KCNU1: variants seen among roughly 807,000 people sequenced by gnomAD.
KCNU1 encodes the protein potassium calcium-activated channel subfamily U member 1, also known as potassium channel subfamily U member 1.
KCNU1 carries 93 observed loss-of-function variants against 126.8 expected under a neutral mutation model. The ratio of observed to expected loss-of-function variants is 0.73; its 90% CI spans 0.62 to 0.87. The LOEUF (loss-of-function observed/expected upper bound fraction) is 0.87, where lower values mean the gene tolerates loss of function less well. Among genes scored for constraint, KCNU1 ranks in the 40% least tolerant of loss-of-function variants. KCNU1 has a pLI of 0.00. For missense variants in KCNU1, 1,330 were observed against 1,367.1 expected (o/e 0.97, Z 0.43); for synonymous variants, 523 against 494.2 (o/e 1.06, Z -0.77).
chr8:36,894,724 A>G (rs1807115293), intron 19 of KCNU1, among the ~76,000 whole-genome samples: 1 of 152,130 alleles, frequency 6.6e-6, no homozygotes, highest in East Asian at 1.9e-4. Flanking sequence ...ATATATTCAA[A>G]GAAGTTGAGA....
chr8:36,801,188 T>C (rs1361263368), intron 2 of KCNU1, among the ~76,000 whole-genome samples: 2 of 152,178 alleles, frequency 1.3e-5, no homozygotes, highest in East Asian at 1.9e-4. Context: ...GAAAGAAACA[T>C]AGAACCAGAT....
At position 36,814,295 on chromosome 8, in the gene KCNU1, C is replaced by T. The variant is rs1803829110; in HGVS notation, c.821C>T (p.Thr274Met). Residue 274 changes from threonine to methionine, a missense_variant, in exon 8 of 27, where the codon ACG (threonine) becomes ATG (methionine). Physicochemically the swap from Thr to Met is moderately conservative, Grantham distance 81. Around this residue, in one of 3 missense-constraint regions of KCNU1, gnomAD observed 1,054 missense variants for 1,053.9 expected, o/e 1.00. Coordinates refer to ENST00000399881, the MANE Select transcript of KCNU1 (RefSeq NM_001031836.3). ...TCAATTTACCTGGTCATGGCAACAACGTCAACCGTTGGATTTGGAGATGTG... is the reference window on the plus strand; with the variant it reads ...TCAATTTACCTGGTCATGGCAACAATGTCAACCGTTGGATTTGGAGATGTG... ...FESIYLVMAT[T>M]STVGFGDVVA... 6 of 1,612,630 alleles carry T rather than the reference C, an allele frequency of 3.7e-6. No homozygotes were observed. Among genetic ancestry groups the T allele is most frequent in the African/African-American group, 1.3e-5 (1 of 74,892 alleles).
At chr8:36,808,362 C>T (rs1025133473) in intron 6 of KCNU1, among the ~76,000 whole-genome samples, 6 of 151,962 alleles carry the variant, frequency 3.9e-5, no homozygotes, top group African/African-American at 9.7e-5. Context: ...ATTATTATAT[C>T]GGACAATATA....
chr8:36,906,390 A>C (rs1230377184), intron 20 of KCNU1, among the ~76,000 whole-genome samples: 1 of 152,056 alleles, frequency 6.6e-6, no homozygotes, highest in Admixed American at 6.6e-5. Context: ...AGACAAACTA[A>C]CTCAACTCAC....
intron 18 of KCNU1, among the ~76,000 whole-genome samples, chr8:36,857,926 G>A (rs931470249): frequency 2.6e-5 from 4 of 152,200 alleles, no homozygotes; most frequent in South Asian, 2.1e-4. Flanking sequence ...GATTACAGGC[G>A]TGAGCCACTG....
chr8:36,806,971 C>G (rs1803525047), intron 5 of KCNU1, among the ~76,000 whole-genome samples: 1 of 152,014 alleles, frequency 6.6e-6, no homozygotes, highest in Non-Finnish European at 1.5e-5. Context: ...ATTGTATAGT[C>G]AGGAGTTTAA....
At chr8:36,867,099 TG>T in intron 19 of KCNU1, among the ~76,000 whole-genome samples, 1 of 152,228 alleles carries the variant, frequency 6.6e-6, no homozygotes, top group African/African-American at 2.4e-5. Flanking sequence ...AAAAAATTTT[TG>T]CAGTTCAAAA....
At chr8:36,897,794 C>A (rs2117474031) in intron 19 of KCNU1, among the ~76,000 whole-genome samples, 1 of 152,160 alleles carries the variant, frequency 6.6e-6, no homozygotes, top group African/African-American at 2.4e-5. Flanking sequence ...TGTCCATAAC[C>A]TTTTCCCTCC....
At chr8:36,896,946 T>G (rs1807215026) in intron 19 of KCNU1, among the ~76,000 whole-genome samples, 1 of 152,044 alleles carries the variant, frequency 6.6e-6, no homozygotes, top group African/African-American at 2.4e-5. Flanking sequence ...CCTAAAAAAC[T>G]TTCACAGTAC....
chr8:36,827,290 A>G (rs1254732001), intron 10 of KCNU1, among the ~76,000 whole-genome samples: 1 of 152,176 alleles, frequency 6.6e-6, no homozygotes, highest in Non-Finnish European at 1.5e-5. Flanking sequence ...AGTTTATTCA[A>G]TTTTACCCTT....
intron 18 of KCNU1, among the ~76,000 whole-genome samples, chr8:36,857,233 G>T (rs941854814): frequency 2.6e-5 from 4 of 152,244 alleles, no homozygotes; most frequent in Non-Finnish European, 5.9e-5. Flanking sequence ...GGAGATTAAT[G>T]CTTCATTGTT....
chr8:36,892,306 G>T (rs946622267), intron 19 of KCNU1, among the ~76,000 whole-genome samples: 2 of 151,720 alleles, frequency 1.3e-5, no homozygotes, highest in African/African-American at 2.4e-5. Context: ...ATTTCCATTT[G>T]TTTTTTTCTT....
At position 36,932,775 on chromosome 8, in the gene KCNU1, C is replaced by T. The variant is rs923792807; in HGVS notation, c.2932-145C>T. On this transcript the variant is annotated intron_variant, in intron 25 of 26. Coordinates refer to ENST00000399881, the MANE Select transcript of KCNU1 (RefSeq NM_001031836.3). ...ACTAATCATACTCTTAATTACCTATCGCCCTGGCAGTGCCACCACAAAGAT... is the reference window on the plus strand; with the variant it reads ...ACTAATCATACTCTTAATTACCTATTGCCCTGGCAGTGCCACCACAAAGAT... 2.5e-5 allele frequency: 15 copies of T among 608,514 alleles called. 1 individual carries two copies. The highest frequency in any genetic ancestry group is 1.1e-4 in the Admixed American group (4 of 35,310). 37.7% of individuals were successfully genotyped at this position (608,514 alleles called of 1,614,324 possible).
intron 18 of KCNU1, among the ~76,000 whole-genome samples, chr8:36,855,292 C>T (rs750824593): frequency 3.9e-5 from 6 of 151,904 alleles, no homozygotes; most frequent in Non-Finnish European, 7.4e-5. Flanking sequence ...TCAATTTGCC[C>T]TGCTATCTGT....
At chr8:36,897,766 C>T (rs1301867457) in intron 19 of KCNU1, among the ~76,000 whole-genome samples, 2 of 152,068 alleles carry the variant, frequency 1.3e-5, no homozygotes, top group Non-Finnish European at 2.9e-5. Flanking sequence ...CTAATCACAT[C>T]TTCTTGTTAA....
chr8:36,845,846 C>T lies in KCNU1; in HGVS notation c.1838C>T (p.Pro613Leu), dbSNP rs1805125182. 6.2e-7 allele frequency: 1 copy of T among 1,609,932 alleles called. No homozygotes were observed. Among genetic ancestry groups the T allele is most frequent in the Non-Finnish European group, 8.5e-7 (1 of 1,177,684 alleles). Reference sequence around the variant, plus strand: ...GTCTGTCATGATGATGTGTTCATTCCTGAGCTAATTACAAACTGTGGCTGC... The same window carrying T: ...GTCTGTCATGATGATGTGTTCATTCTTGAGCTAATTACAAACTGTGGCTGC... ...CSVCHDDVFI[P>L]ELITNCGCKS... is the part of the protein sequence containing the mutation. The change falls in exon 18 of 27, where the codon CCT becomes CTT. Residue 613 changes from proline to leucine, a missense_variant. Pro to Leu is a moderately conservative substitution (Grantham distance 98, BLOSUM62 -3). Coordinates refer to ENST00000399881, the MANE Select transcript of KCNU1 (RefSeq NM_001031836.3).
chr8:36,930,947 C>A lies in KCNU1; in HGVS notation c.2737-4C>A. Reference sequence around the variant, plus strand: ...TTTGCATGTGGCTTGTCCTTGTTTTCCAGGCCTTCTACAATTATCATGTCC... The same window carrying A: ...TTTGCATGTGGCTTGTCCTTGTTTTACAGGCCTTCTACAATTATCATGTCC... On this transcript the variant is annotated splice_polypyrimidine_tract_variant and splice_region_variant and intron_variant, in intron 24 of 26. Coordinates refer to ENST00000399881, the MANE Select transcript of KCNU1 (RefSeq NM_001031836.3). 1 of 1,589,726 alleles carries A rather than the reference C, an allele frequency of 6.3e-7. No homozygotes were observed. The highest frequency in any genetic ancestry group is 1.1e-5 in the South Asian group (1 of 87,112).
chr8:36,790,500 A>G (rs1396410788), intron 2 of KCNU1, among the ~76,000 whole-genome samples: 2 of 152,080 alleles, frequency 1.3e-5, no homozygotes, highest in Non-Finnish European at 2.9e-5. Flanking sequence ...GAAAAAGTAC[A>G]ACTATATGAA....
intron 18 of KCNU1, among the ~76,000 whole-genome samples, chr8:36,858,716 C>T (rs1343697572): frequency 6.6e-6 from 1 of 152,138 alleles, no homozygotes; most frequent in Non-Finnish European, 1.5e-5. Flanking sequence ...GGAAGTTGCT[C>T]TAGTATAAAT....
Sources: allele counts gnomAD v4.1 joint callset (sites outside exome capture counted in the v4.1 genomes callset), GRCh38; gene constraint gnomAD v4.1.1; regional missense constraint gnomAD v4.1.1; transcripts MANE v1.5; gene names NCBI Gene and HGNC (gene_info 2026-07-23, HGNC 2026-07-21).